SUGCT: variants seen among roughly 807,000 people sequenced by gnomAD.
SUGCT encodes the protein succinyl-CoA:glutarate-CoA transferase.
Under a neutral mutation model 55.0 loss-of-function variants are expected in SUGCT, and 41 were observed. The ratio of observed to expected loss-of-function variants is 0.74; its 90% confidence interval spans 0.58 to 0.97. The LOEUF is 0.97. Ranked by LOEUF, SUGCT falls within the 50% of genes least tolerant of loss-of-function variation. SUGCT has a pLI of 0.00. For synonymous variants in SUGCT, 187 were observed against 200.4 expected, an observed-to-expected ratio of 0.93 and a Z score of 0.56; for missense variants, 568 against 547.8, an observed-to-expected ratio of 1.04 and a Z score of -0.37.
chr7:40,477,700 A>G (rs1224119459), intron 11 of SUGCT, among the ~76,000 whole-genome samples: 4 of 152,166 alleles, frequency 2.6e-5, no homozygotes, highest in Non-Finnish European at 4.4e-5. Flanking sequence ...TTCACTTGAA[A>G]ATTTCTTTAT....
At chr7:40,898,122 C>G in the SUGCT span, among the ~76,000 whole-genome samples, 1 of 151,990 alleles carries the variant, frequency 6.6e-6, no homozygotes, top group Non-Finnish European at 1.5e-5. Context: ...CAGCTTCACT[C>G]GTGAAGCCAG....
intron 12 of SUGCT, among the ~76,000 whole-genome samples, chr7:40,668,497 G>A (rs964580846): frequency 1.3e-5 from 2 of 152,028 alleles, no homozygotes; most frequent in Non-Finnish European, 2.9e-5. Context: ...GGAGACTTCT[G>A]CTCCCAGAAA....
chr7:40,476,188 T>C (rs1418760002), intron 11 of SUGCT, among the ~76,000 whole-genome samples: 2 of 152,164 alleles, frequency 1.3e-5, no homozygotes, highest in Non-Finnish European at 2.9e-5. Context: ...TGTCTGTGTC[T>C]ATGTCTATGT....
the SUGCT span, among the ~76,000 whole-genome samples, chr7:40,922,760 G>C: frequency 5.3e-5 from 8 of 152,182 alleles, no homozygotes; most frequent in African/African-American, 1.7e-4. Context: ...TTCTCATAAT[G>C]GTGAGTGGAG....
intron 1 of SUGCT, among the ~76,000 whole-genome samples, chr7:40,165,007 T>C (rs13231777): frequency 0.53 from 79,961 of 151,962 alleles, 21,693 homozygotes; most frequent in African/African-American, 0.65. Context: ...GAGCTTCTTC[T>C]GTGACTTCAG....
At chr7:40,877,007 C>G in the SUGCT span, among the ~76,000 whole-genome samples, 1 of 152,102 alleles carries the variant, frequency 6.6e-6, no homozygotes, top group Non-Finnish European at 1.5e-5. Context: ...TATACACACG[C>G]ATTTTTCTTT....
chr7:40,274,862 C>T (rs968129983), intron 8 of SUGCT, among the ~76,000 whole-genome samples: 7 of 152,144 alleles, frequency 4.6e-5, no homozygotes, highest in Non-Finnish European at 2.9e-5. Context: ...AGTGCAATGG[C>T]GTGATCTTGG....
chr7:40,219,511 G>A (rs1054777296), intron 6 of SUGCT, among the ~76,000 whole-genome samples: 7 of 152,088 alleles, frequency 4.6e-5, no homozygotes, highest in African/African-American at 9.7e-5. Context: ...AAATGAAGGG[G>A]GGAGAAAGTG....
Position 40,493,022 on chromosome 7 carries a change from A to G in SUGCT, c.987-3262A>G, listed in dbSNP as rs1471987707. 5.3e-5 allele frequency among the ~76,000 whole-genome samples: 8 copies of G among 152,310 alleles called. No individual in the cohort carries two copies. In the East Asian group the frequency reaches 1.5e-3, roughly 29 times the overall value. On this transcript the variant is annotated intron_variant, in intron 11 of 13. Coordinates refer to ENST00000335693, the MANE Select transcript of SUGCT (RefSeq NM_001193313.2). ...TACGATAGAAGTGAAGAAGCATATT[A>G]TTAGTGCAAAAAATGAACAGTTTCA...
At chr7:40,198,709 A>G (rs1786426245) in intron 6 of SUGCT, among the ~76,000 whole-genome samples, 1 of 144,096 alleles carries the variant, frequency 6.9e-6, no homozygotes, top group Non-Finnish European at 1.5e-5. Context: ...TAAAAATACA[A>G]AAATTAGCTG....
Position 40,860,613 on chromosome 7 carries a change from C to A in SUGCT, c.*134C>A. The A allele has an allele frequency of 2.2e-6, 2 of 892,834 alleles. No homozygotes were observed. Among genetic ancestry groups the A allele is most frequent in the Non-Finnish European group, 3.2e-6 (2 of 626,242 alleles). 55.3% of individuals were successfully genotyped at this position (892,834 alleles called of 1,614,324 possible). On this transcript the variant is annotated 3_prime_UTR_variant, in exon 14 of 14. Transcript: ENST00000335693. ...GAGTAACTCCAGATTTCTTACATGG[C>A]ATCTCCAGAATGGCTCTGGTATTAA...
At chr7:40,592,512 T>G (rs1188671062) in intron 12 of SUGCT, among the ~76,000 whole-genome samples, 1 of 152,150 alleles carries the variant, frequency 6.6e-6, no homozygotes, top group African/African-American at 2.4e-5. Flanking sequence ...TAAAGGAGGT[T>G]GGAAACTTCG....
At chr7:40,197,919 T>C (rs1786379472) in intron 6 of SUGCT, among the ~76,000 whole-genome samples, 1 of 152,198 alleles carries the variant, frequency 6.6e-6, no homozygotes, top group Non-Finnish European at 1.5e-5. Context: ...TCAAAAGTTC[T>C]TCTGGGCCTT....
intron 12 of SUGCT, among the ~76,000 whole-genome samples, chr7:40,575,608 G>T (rs1198229605): frequency 1.3e-5 from 2 of 150,940 alleles, no homozygotes; most frequent in Non-Finnish European, 3.0e-5. Context: ...AAAAAAAAAA[G>T]CTAAAAATGT....
chr7:40,682,689 G>A (rs1784307056), intron 12 of SUGCT, among the ~76,000 whole-genome samples: 2 of 151,944 alleles, frequency 1.3e-5, no homozygotes, highest in Admixed American at 1.3e-4. Flanking sequence ...TGTCTATTAA[G>A]GTTTCATAGA....
chr7:40,916,574 T>C, the SUGCT span, among the ~76,000 whole-genome samples: 1 of 152,230 alleles, frequency 6.6e-6, no homozygotes, highest in East Asian at 1.9e-4. Context: ...TAGCATCCTA[T>C]CATAACTGAA....
the SUGCT span, among the ~76,000 whole-genome samples, chr7:40,909,179 A>G: frequency 1.3e-5 from 2 of 152,218 alleles, no homozygotes; most frequent in Non-Finnish European, 2.9e-5. Flanking sequence ...AGTCTCAGCC[A>G]TTTCCAAAAT....
At chr7:40,339,728 C>T (rs559318241) in intron 9 of SUGCT, among the ~76,000 whole-genome samples, 13 of 152,306 alleles carry the variant, frequency 8.5e-5, no homozygotes, top group South Asian at 2.1e-4. Flanking sequence ...CCTTGGCTCA[C>T]GCTGGGTGGG....
At chr7:40,262,676 C>T (rs934572599) in intron 7 of SUGCT, among the ~76,000 whole-genome samples, 2 of 151,684 alleles carry the variant, frequency 1.3e-5, no homozygotes, top group Non-Finnish European at 2.9e-5. Flanking sequence ...AAAAAAAGAA[C>T]AAGCCATACC....
Sources: gnomAD v4.1 joint callset for allele counts (sites outside exome capture counted in the v4.1 genomes callset) on GRCh38, gnomAD v4.1.1 for gene constraint, MANE v1.5 for transcripts, NCBI Gene and HGNC (gene_info 2026-07-23, HGNC 2026-07-21) for gene names.